Variants in ZNF804A observed in about 807,000 individuals in gnomAD.
The protein encoded by ZNF804A is zinc finger protein 804A.
In ZNF804A, 2 loss-of-function variants were observed where a neutral mutation model predicts 16.5. The observed-to-expected ratio is 0.12, with a 90% confidence interval of 0.05 to 0.38. The LOEUF is 0.38. ZNF804A is among the 10% of genes least tolerant of loss of function. ZNF804A has a pLI of 0.99. For synonymous variants in ZNF804A, 534 were observed against 489.6 expected, an observed-to-expected ratio of 1.09 and a Z score of -1.20; for missense variants, 1,473 against 1,390.7, an observed-to-expected ratio of 1.06 and a Z score of -0.94.
At chr2:184,660,226 C>A (rs1165037721) in intron 1 of ZNF804A, among the ~76,000 whole-genome samples, 5 of 151,988 alleles carry the variant, frequency 3.3e-5, no homozygotes, top group African/African-American at 1.2e-4. Flanking sequence ...TATGAAAGCA[C>A]AGTCTAAATT....
chr2:184,803,795 C>A (rs1694760000), intron 1 of ZNF804A, among the ~76,000 whole-genome samples: 1 of 151,960 alleles, frequency 6.6e-6, no homozygotes, highest in South Asian at 2.1e-4. Flanking sequence ...CTGCATTACT[C>A]CAATCTGTGT....
Position 184,739,379 on chromosome 2 carries a change from A to G in ZNF804A, c.112-126990A>G, listed in dbSNP as rs539941775. 2.3e-3 allele frequency among the ~76,000 whole-genome samples: 345 copies of G among 152,306 alleles called. 2 individuals carry two copies. The highest frequency in any genetic ancestry group is 0.013 in the South Asian group (63 of 4,832). On this transcript the variant is annotated intron_variant, in intron 1 of 3. Coordinates refer to ENST00000302277, the MANE Select transcript of ZNF804A (RefSeq NM_194250.2). ...TATGTTCTGTGATTAACAAATAAAA[A>G]GATGATTTCATGACTTTTTTTGCAG...
At chr2:184,721,014 A>C (rs1693303582) in intron 1 of ZNF804A, among the ~76,000 whole-genome samples, 2 of 152,220 alleles carry the variant, frequency 1.3e-5, no homozygotes, top group South Asian at 4.1e-4. Context: ...TTCTTCAATA[A>C]ATGATATTGG....
chr2:184,906,566 G>A (rs1685278511), intron 2 of ZNF804A, among the ~76,000 whole-genome samples: 1 of 152,046 alleles, frequency 6.6e-6, no homozygotes, highest in Non-Finnish European at 1.5e-5. Flanking sequence ...CTCTCAGAGT[G>A]CTGGGATTAT....
chr2:184,668,181 A>G (rs980338956), intron 1 of ZNF804A, among the ~76,000 whole-genome samples: 6 of 151,926 alleles, frequency 3.9e-5, no homozygotes, highest in Non-Finnish European at 5.9e-5. Context: ...TTATAATTGT[A>G]TATATTTATA....
chr2:184,703,999 C>A (rs953338249), intron 1 of ZNF804A, among the ~76,000 whole-genome samples: 2 of 151,786 alleles, frequency 1.3e-5, no homozygotes, highest in African/African-American at 4.8e-5. Flanking sequence ...TTCAAAGATG[C>A]GAAAAGTTCT....
At chr2:184,722,292 G>A (rs1453986193) in intron 1 of ZNF804A, among the ~76,000 whole-genome samples, 1 of 151,984 alleles carries the variant, frequency 6.6e-6, no homozygotes, top group Non-Finnish European at 1.5e-5. Flanking sequence ...TAAATCATCC[G>A]ATGATTTAAA....
chr2:184,828,449 G>C (rs557805158), intron 1 of ZNF804A, among the ~76,000 whole-genome samples: 1 of 150,670 alleles, frequency 6.6e-6, no homozygotes. Context: ...TTTTAATTTT[G>C]ATGGTCACAA....
At chr2:184,886,051 G>A (rs1222850753) in intron 2 of ZNF804A, among the ~76,000 whole-genome samples, 2 of 152,078 alleles carry the variant, frequency 1.3e-5, no homozygotes, top group Non-Finnish European at 2.9e-5. Flanking sequence ...CTGAGACAAG[G>A]CAAATGCCTT....
intron 2 of ZNF804A, among the ~76,000 whole-genome samples, chr2:184,886,874 G>A (rs1271918038): frequency 6.6e-6 from 1 of 152,214 alleles, no homozygotes; most frequent in Non-Finnish European, 1.5e-5. Context: ...GATGAGAGGG[G>A]CTGCCATGAG....
chr2:184,822,167 G>A (rs375246599), intron 1 of ZNF804A, among the ~76,000 whole-genome samples: 1 of 152,072 alleles, frequency 6.6e-6, no homozygotes, highest in African/African-American at 2.4e-5. Context: ...CATCCCAAAT[G>A]CCCATCAATT....
chr2:184,904,507 C>A (rs989317372), intron 2 of ZNF804A, among the ~76,000 whole-genome samples: 1 of 152,002 alleles, frequency 6.6e-6, no homozygotes, highest in African/African-American at 2.4e-5. Context: ...TTCACAGGCA[C>A]AATTACCACA....
chr2:184,866,653 T>C, intron 2 of ZNF804A, 141 bp downstream of exon 2: 10 of 703,268 alleles, frequency 1.4e-5, no homozygotes, highest in Non-Finnish European at 1.8e-5. Context: ...TCTGGGATGA[T>C]AATTTGATGA....
intron 1 of ZNF804A, among the ~76,000 whole-genome samples, chr2:184,790,899 C>G (rs747113555): frequency 6.6e-6 from 1 of 152,086 alleles, no homozygotes; most frequent in Admixed American, 6.6e-5. Flanking sequence ...CACTGCGCCC[C>G]GCCTCAAACC....
intron 1 of ZNF804A, among the ~76,000 whole-genome samples, chr2:184,763,571 T>G (rs2105764533): frequency 6.6e-6 from 1 of 150,936 alleles, no homozygotes; most frequent in Non-Finnish European, 1.5e-5. Flanking sequence ...TCTCTGAATA[T>G]CTGGTATTAA....
rs1694356650 is a variant in ZNF804A, at chr2:184,780,485, C to T, written c.112-85884C>T. Among the ~76,000 whole-genome samples the T allele has an allele frequency of 2.0e-5, 3 of 151,624 alleles. No homozygotes were observed. In the South Asian group the frequency reaches 6.2e-4, roughly 31 times the overall value. On this transcript the variant is annotated intron_variant, in intron 1 of 3. Coordinates refer to ENST00000302277, the MANE Select transcript of ZNF804A (RefSeq NM_194250.2). The stretch of plus-strand genomic sequence containing the variant: ...GAAGAATTATTCTTAAAAGTGGTTC[C>T]TGTCTTTCTGTTTGTTTTTCCATTT...
At chr2:184,896,385 T>C (rs911405275) in intron 2 of ZNF804A, among the ~76,000 whole-genome samples, 2 of 152,156 alleles carry the variant, frequency 1.3e-5, no homozygotes, top group Non-Finnish European at 2.9e-5. Flanking sequence ...GGGGTACAGT[T>C]TACCTGAAAT....
At chr2:184,785,885 T>A (rs1397555177) in intron 1 of ZNF804A, among the ~76,000 whole-genome samples, 1 of 152,040 alleles carries the variant, frequency 6.6e-6, no homozygotes, top group Non-Finnish European at 1.5e-5. Flanking sequence ...TTTCTTAAGA[T>A]CATATCCTTA....
At chr2:184,623,709 A>G (rs906536075) in intron 1 of ZNF804A, among the ~76,000 whole-genome samples, 1 of 152,168 alleles carries the variant, frequency 6.6e-6, no homozygotes, top group Non-Finnish European at 1.5e-5. Context: ...CATGATTGCC[A>G]TTGCACTGAC....
Sources: allele counts gnomAD v4.1 joint callset (sites outside exome capture counted in the v4.1 genomes callset), GRCh38; gene constraint gnomAD v4.1.1; transcripts MANE v1.5; gene names NCBI Gene and HGNC (gene_info 2026-07-23, HGNC 2026-07-21).